Variants in CHST9 observed in about 807,000 individuals in gnomAD.
The protein encoded by CHST9 is GalNAc-4-sulfotransferase 2.
In CHST9, 41 loss-of-function variants were observed where a neutral mutation model predicts 44.4. The ratio of observed to expected loss-of-function variants is 0.92; its 90% confidence interval spans 0.72 to 1.20. The LOEUF (loss-of-function observed/expected upper bound fraction) is 1.20, where lower values mean the gene tolerates loss of function less well. Among genes scored for constraint, CHST9 ranks in the 50% most tolerant of loss-of-function variants. The probability of loss-of-function intolerance (pLI) is 0.00; values close to 1 mark genes in which losing one functional copy is unlikely to be tolerated. For synonymous variants in CHST9, 171 were observed against 178.4 expected, an observed-to-expected ratio of 0.96 and a Z score of 0.33; for missense variants, 504 against 516.5, an observed-to-expected ratio of 0.98 and a Z score of 0.23.
chr18:27,018,734 A>G (rs1050087700), intron 4 of CHST9, among the ~76,000 whole-genome samples: 5 of 152,218 alleles, frequency 3.3e-5, no homozygotes, highest in African/African-American at 9.6e-5. Flanking sequence ...AAGGCTGCAG[A>G]AAAGTCTCTA....
At chr18:26,929,567 C>T (rs1032072207) in intron 5 of CHST9, among the ~76,000 whole-genome samples, 2 of 152,196 alleles carry the variant, frequency 1.3e-5, no homozygotes, top group Non-Finnish European at 2.9e-5. Flanking sequence ...TGTGCATAAG[C>T]AGTTGACAGA....
At chr18:27,039,691 T>A (rs935525083) in intron 3 of CHST9, among the ~76,000 whole-genome samples, 8 of 151,388 alleles carry the variant, frequency 5.3e-5, no homozygotes, top group South Asian at 2.1e-4. Flanking sequence ...TTTTAAAAAA[T>A]AAATAAATAA....
chr18:27,043,848 T>C (rs923295989), intron 3 of CHST9, among the ~76,000 whole-genome samples: 1 of 152,084 alleles, frequency 6.6e-6, no homozygotes, highest in Admixed American at 6.6e-5. Context: ...AGATGGTCCT[T>C]GTTGATTCTA....
intron 1 of CHST9, among the ~76,000 whole-genome samples, chr18:27,166,834 A>G (rs576554136): frequency 7.2e-5 from 11 of 152,330 alleles, no homozygotes; most frequent in Admixed American, 2.6e-4. Context: ...TTTATTTAAT[A>G]TAAGTTTTAC....
rs1288038160 is a variant in CHST9, at chr18:27,075,137, G to C, written c.122-26634C>G. ...GCGTATATTGCAGCTCTTATGAGAGGGTTTTGGGGGTTGCTTTTTTTGTTT... is the reference window on the plus strand; with the variant it reads ...GCGTATATTGCAGCTCTTATGAGAGCGTTTTGGGGGTTGCTTTTTTTGTTT... On this transcript the variant is annotated intron_variant, in intron 2 of 5. Transcript: ENST00000618847. 2.7e-5 allele frequency among the ~76,000 whole-genome samples: 4 copies of C among 149,796 alleles called. No homozygotes were observed. The East Asian group carries it at 5.8e-4, about 22-fold the overall frequency.
At chr18:26,965,296 G>A (rs1345536049) in intron 4 of CHST9, among the ~76,000 whole-genome samples, 4 of 152,190 alleles carry the variant, frequency 2.6e-5, no homozygotes, top group Non-Finnish European at 1.5e-5. Flanking sequence ...TGTGCTGGTG[G>A]CAGTGTTATT....
chr18:26,988,463 A>G (rs756624148), intron 4 of CHST9, among the ~76,000 whole-genome samples: 1 of 152,194 alleles, frequency 6.6e-6, no homozygotes, highest in Non-Finnish European at 1.5e-5. Flanking sequence ...AGGTCATATC[A>G]TAATAATAAA....
intron 4 of CHST9, among the ~76,000 whole-genome samples, chr18:27,010,391 T>C (rs1026188939): frequency 1.3e-5 from 2 of 152,186 alleles, no homozygotes; most frequent in African/African-American, 4.8e-5. Flanking sequence ...ACATGAATAT[T>C]ACATGACTTG....
Position 26,970,557 on chromosome 18 carries a change from T to C in CHST9, c.203-26191A>G, listed in dbSNP as rs192102603. ...GATTCTCCCTCCTCAGCCTCCCAAG[T>C]AGCTGGGACTACAGTCACATGCCAC... On this transcript the variant is annotated intron_variant, in intron 4 of 5. Coordinates refer to ENST00000618847, the MANE Select transcript of CHST9 (RefSeq NM_031422.6). Among the ~76,000 whole-genome samples, 283 of 152,294 alleles carry C rather than the reference T, an allele frequency of 1.9e-3. 1 individual carries two copies. Among genetic ancestry groups the C allele is most frequent in the Non-Finnish European group, 3.2e-3 (218 of 68,022 alleles).
chr18:27,053,218 G>GAAGAAGAAGAAGAAGAAGAAGAA (rs2057599065), intron 2 of CHST9, among the ~76,000 whole-genome samples: 2 of 32,324 alleles, frequency 6.2e-5, no homozygotes, highest in African/African-American at 2.0e-4. Context: ...AGGAGGAAGA[G>GAAGAAGAAGAAGAAGAAGAAGAA]GAAGAAGAAG....
intron 4 of CHST9, among the ~76,000 whole-genome samples, chr18:27,016,290 C>T (rs1173269128): frequency 2.0e-5 from 3 of 152,182 alleles, no homozygotes; most frequent in Non-Finnish European, 2.9e-5. Context: ...TCACTCTACC[C>T]GTTTCTCTCC....
intron 1 of CHST9, among the ~76,000 whole-genome samples, chr18:27,159,323 A>G (rs151194524): frequency 0.019 from 2,871 of 152,312 alleles, 34 homozygotes; most frequent in Non-Finnish European, 0.028. Flanking sequence ...AGCTTTCTAC[A>G]TGTGGCTAGC....
intron 5 of CHST9, among the ~76,000 whole-genome samples, chr18:26,937,198 G>A (rs961286886): frequency 7.2e-4 from 110 of 152,182 alleles, no homozygotes; most frequent in African/African-American, 2.6e-3. Context: ...CTCTTTTCAG[G>A]TGACAAATAG....
intron 2 of CHST9, among the ~76,000 whole-genome samples, chr18:27,052,033 G>A (rs2057572757): frequency 6.6e-6 from 1 of 152,072 alleles, no homozygotes; most frequent in South Asian, 2.1e-4. Flanking sequence ...TTTCAGAAGG[G>A]AGGCTGAAAG....
At chr18:26,971,252 ACACT>A (rs71171606) in intron 4 of CHST9, among the ~76,000 whole-genome samples, 97,345 of 151,606 alleles carry the variant, frequency 0.64, 31,650 homozygotes, top group African/African-American at 0.73. Flanking sequence ...CAGTCATAGA[ACACT>A]CACTCAATGG....
rs150258423 is a variant in CHST9 at position 27,022,256 on chromosome 18, C to G, written c.202+1860G>C. 1.6e-3 allele frequency among the ~76,000 whole-genome samples: 248 copies of G among 152,212 alleles called. 1 individual carries two copies. The highest frequency in any genetic ancestry group is 5.8e-3 in the African/African-American group (239 of 41,528). On this transcript the variant is annotated intron_variant, in intron 4 of 5. Coordinates refer to ENST00000618847, the MANE Select transcript of CHST9 (RefSeq NM_031422.6). ...CCCATGCTTGTTCACAGTATAGTGGCAAGAAAATGGGAGCTTTCAGGCATA... is the reference window on the plus strand; with the variant it reads ...CCCATGCTTGTTCACAGTATAGTGGGAAGAAAATGGGAGCTTTCAGGCATA...
intron 4 of CHST9, among the ~76,000 whole-genome samples, chr18:27,012,552 T>C (rs1435221499): frequency 6.6e-6 from 1 of 152,134 alleles, no homozygotes; most frequent in Non-Finnish European, 1.5e-5. Context: ...AATTCACATA[T>C]AATTGGATCC....
At chr18:27,074,762 C>A (rs1473791949) in intron 2 of CHST9, among the ~76,000 whole-genome samples, 3 of 149,434 alleles carry the variant, frequency 2.0e-5, no homozygotes, top group African/African-American at 7.3e-5. Context: ...GAGAGTATGT[C>A]AATATGTTAC....
chr18:27,040,527 A>G (rs943226103), intron 3 of CHST9, among the ~76,000 whole-genome samples: 5 of 152,164 alleles, frequency 3.3e-5, no homozygotes, highest in African/African-American at 1.2e-4. Flanking sequence ...CCTTTCTTGG[A>G]ATTCCTCCAA....
Sources: allele counts gnomAD v4.1 joint callset (sites outside exome capture counted in the v4.1 genomes callset), GRCh38; gene constraint gnomAD v4.1.1; transcripts MANE v1.5; gene names NCBI Gene and HGNC (gene_info 2026-07-23, HGNC 2026-07-21).